NAV2: variants seen among roughly 807,000 people sequenced by gnomAD.
NAV2 encodes the protein neuron navigator 2.
NAV2 carries 54 observed loss-of-function variants against 223.2 expected under a neutral mutation model. The ratio of observed to expected loss-of-function variants is 0.24; its 90% CI spans 0.19 to 0.30. The LOEUF is 0.30. Among genes scored for constraint, NAV2 ranks in the 10% least tolerant of loss-of-function variants. The pLI is 1.00. For missense variants in NAV2, 2,806 were observed against 3,147.5 expected, an observed-to-expected ratio of 0.89 and a Z score of 2.60; for synonymous variants, 1,279 against 1,239.3, an observed-to-expected ratio of 1.03 and a Z score of -0.67.
At chr11:19,733,184 G>A (rs1285170813) in intron 1 of NAV2, among the ~76,000 whole-genome samples, 1 of 152,206 alleles carries the variant, frequency 6.6e-6, no homozygotes, top group Non-Finnish European at 1.5e-5. Flanking sequence ...GATGGTTGAA[G>A]GTCAGGGAAG....
chr11:19,788,414 A>G (rs1319519938), intron 1 of NAV2, among the ~76,000 whole-genome samples: 2 of 152,186 alleles, frequency 1.3e-5, no homozygotes, highest in Admixed American at 6.5e-5. Context: ...TTCTGCATTC[A>G]TTCATCCTAA....
chr11:19,440,135 T>TG (rs1851348408), intron 1 of NAV2, among the ~76,000 whole-genome samples: 1 of 152,194 alleles, frequency 6.6e-6, no homozygotes, highest in Non-Finnish European at 1.5e-5. Flanking sequence ...GGGCCTACTA[T>TG]GTGTCAGGCA....
At chr11:19,953,868 T>C (rs1370221682) in intron 10 of NAV2, among the ~76,000 whole-genome samples, 11 of 151,884 alleles carry the variant, frequency 7.2e-5, no homozygotes, top group Admixed American at 2.6e-4. Context: ...CGTGTGTGTG[T>C]GTGTGTGTGT....
Position 20,105,546 on chromosome 11 carries a change from C to T in NAV2, c.6660C>T (p.Ala2220=), listed in dbSNP as rs756905006. ...CTTCCTCCAGATGGGTGCTTTGTGC[C>T]AACCACACGGAGCCTGTGAAGGGTT... ...LHHNFRWVLC[A]NHTEPVKGFL... Residue 2220 remains alanine (A), a synonymous_variant, in exon 35 of 38, where the codon GCC becomes GCT. Transcript: ENST00000349880. The T allele has an allele frequency of 1.2e-6, 2 of 1,613,522 alleles. No homozygotes were observed. Among genetic ancestry groups the T allele is most frequent in the Non-Finnish European group, 1.7e-6 (2 of 1,179,698 alleles).
In NAV2 at chr11:20,079,277, G is replaced by A. The variant is rs550230965; in HGVS notation, c.5180-787G>A. 1.2e-4 allele frequency among the ~76,000 whole-genome samples: 19 copies of A among 152,288 alleles called. No individual in the cohort carries two copies. The South Asian group carries it at 3.9e-3, about 32-fold the overall frequency. ...GCTGGTCTCGAACTTCTGACCTCAA[G>A]TGGTCTGCCTGCTTTGGCTTCCTAA... On this transcript the variant is annotated intron_variant, in intron 24 of 37. Coordinates refer to ENST00000349880, the MANE Select transcript of NAV2 (RefSeq NM_145117.5).
chr11:19,816,551 T>C (rs931540533), intron 1 of NAV2, among the ~76,000 whole-genome samples: 1 of 152,214 alleles, frequency 6.6e-6, no homozygotes, highest in Non-Finnish European at 1.5e-5. Context: ...TCTAAGTTGG[T>C]GCAGTAGATG....
Position 20,044,124 on chromosome 11 carries a change from C to G in NAV2, c.3051C>G (p.Asp1017Glu). The part of the protein sequence containing the change: ...KWRRNPSDVS[D>E]ESDKSTSGKK... Reference sequence around the variant, plus strand: ...GGCGGAATCCTTCTGATGTGTCTGACGAGTCCGACAAAAGCACGTCGGGCA... The same window carrying G: ...GGCGGAATCCTTCTGATGTGTCTGAGGAGTCCGACAAAAGCACGTCGGGCA... Residue 1017 changes from aspartate (D) to glutamate (E), a missense_variant, in exon 13 of 38, where the codon GAC (aspartate) becomes GAG (glutamate). Physicochemically the swap from Asp to Glu is conservative, Grantham distance 45 (BLOSUM62 2). Coordinates refer to ENST00000349880, the MANE Select transcript of NAV2 (RefSeq NM_145117.5). 4 of 1,614,184 alleles carry G rather than the reference C, an allele frequency of 2.5e-6. No homozygotes were observed. Among genetic ancestry groups the G allele is most frequent in the South Asian group, 1.1e-5 (1 of 91,086 alleles).
At chr11:19,986,641 A>T (rs2050820929) in intron 11 of NAV2, among the ~76,000 whole-genome samples, 1 of 152,218 alleles carries the variant, frequency 6.6e-6, no homozygotes, top group Admixed American at 6.5e-5. Context: ...AACAAAAAAC[A>T]AACTGAGTGG....
At chr11:19,859,285 C>A (rs939862310) in intron 3 of NAV2, among the ~76,000 whole-genome samples, 3 of 149,118 alleles carry the variant, frequency 2.0e-5, no homozygotes, top group South Asian at 2.3e-4. Context: ...GAGGACCCTG[C>A]GGCCTTCCGC....
intron 1 of NAV2, among the ~76,000 whole-genome samples, chr11:19,443,802 G>A (rs936718718): frequency 2.7e-4 from 41 of 152,146 alleles, no homozygotes; most frequent in African/African-American, 7.2e-4. Context: ...TGTAAAATAG[G>A]CATAATAACA....
chr11:20,118,384 A>AGACCCCCCGTCCTTCAGCCTC lies in NAV2; in HGVS notation c.*131_*151dup. 1 of 1,150,738 alleles carries AGACCCCCCGTCCTTCAGCCTC rather than the reference A, an allele frequency of 8.7e-7. No individual in the cohort carries two copies. The highest frequency in any genetic ancestry group is 1.2e-6 in the Non-Finnish European group (1 of 807,682). The allele number at this position is 1,150,738 out of a possible 1,614,324, so 71.3% of individuals were successfully genotyped here. ...CAGCCTTAGAGCTGCGGGAACACCG[A>AGACCCCCCGTCCTTCAGCCTC]GACCCCCCGTCCTTCAGCCTCGACC... On this transcript the variant is annotated 3_prime_UTR_variant, in exon 38 of 38. Transcript: ENST00000349880.
chr11:19,550,956 A>G (rs1298640676), intron 1 of NAV2, among the ~76,000 whole-genome samples: 1 of 152,272 alleles, frequency 6.6e-6, no homozygotes, highest in African/African-American at 2.4e-5. Flanking sequence ...TAATCTACAT[A>G]TAATGAGAAG....
At chr11:19,864,991 A>T (rs2062004512) in intron 3 of NAV2, among the ~76,000 whole-genome samples, 1 of 152,150 alleles carries the variant, frequency 6.6e-6, no homozygotes. Flanking sequence ...TATGGCAACA[A>T]CTACAATAGC....
chr11:19,946,387 C>A lies in NAV2; in HGVS notation c.2147-14C>A. The A allele has an allele frequency of 6.2e-7, 1 of 1,607,886 alleles. No individual in the cohort carries two copies. The highest frequency in any genetic ancestry group is 1.3e-5 in the African/African-American group (1 of 74,746). On this transcript the variant is annotated splice_polypyrimidine_tract_variant and intron_variant, in intron 8 of 37. Transcript: ENST00000349880. ...GTCAGAGAATTAAACTAGTCTTAAC[C>A]CTCATCTTTCTAGGGGAAGATCCTG... is the stretch of plus-strand genomic sequence containing the variant.
At position 19,418,106 on chromosome 11, in the gene NAV2, C is replaced by T. The variant is rs555298072; in HGVS notation, c.75+67079C>T. 6.6e-5 allele frequency among the ~76,000 whole-genome samples: 10 copies of T among 152,246 alleles called. No homozygotes were observed. In the South Asian group the frequency reaches 1.9e-3, roughly 28 times the overall value. On this transcript the variant is annotated intron_variant, in intron 1 of 37. Transcript: ENST00000360655. ...CATGTTCTGCACATGTATCTCAGAA[C>T]TCAAATTATGAAAAACAACAAAACA...
Position 19,908,698 on chromosome 11 carries a change from T to G in NAV2, c.931+16104T>G, listed in dbSNP as rs58595587. The stretch of plus-strand genomic sequence containing the variant: ...TATTTGACAGCACAGCTCTAGAAAA[T>G]TATTCATTGAGCAGCCAGTGAGTCT... On this transcript the variant is annotated intron_variant, in intron 6 of 37. Transcript: ENST00000349880. 9.4e-3 allele frequency among the ~76,000 whole-genome samples: 1,437 copies of G among 152,284 alleles called. 34 individuals are homozygous for G. Among genetic ancestry groups the G allele is most frequent in the African/African-American group, 0.033 (1,391 of 41,544 alleles).
chr11:19,936,738 A>C (rs1210305469), intron 7 of NAV2, among the ~76,000 whole-genome samples: 1 of 152,218 alleles, frequency 6.6e-6, no homozygotes, highest in Non-Finnish European at 1.5e-5. Flanking sequence ...GGCTTTCCAC[A>C]TCTTAGCTCA....
intron 1 of NAV2, among the ~76,000 whole-genome samples, chr11:19,698,746 C>A (rs1041159198): frequency 6.6e-6 from 1 of 152,212 alleles, no homozygotes; most frequent in Non-Finnish European, 1.5e-5. Context: ...TGGATTTCAA[C>A]ACCTCGGTTG....
At chr11:20,052,596 C>A (rs1385029239) in intron 17 of NAV2, among the ~76,000 whole-genome samples, 2 of 152,188 alleles carry the variant, frequency 1.3e-5, no homozygotes, top group Non-Finnish European at 2.9e-5. Flanking sequence ...ACTTCTGTAG[C>A]AGATCTAGCC....
Sources: gnomAD v4.1 joint callset for allele counts (sites outside exome capture counted in the v4.1 genomes callset) on GRCh38, gnomAD v4.1.1 for gene constraint, MANE v1.5 for transcripts, NCBI Gene and HGNC (gene_info 2026-07-23, HGNC 2026-07-21) for gene names.